The following SNRNP40 variants were observed in gnomAD, a reference collection of about 807,000 sequenced individuals.
The protein encoded by SNRNP40 is U5 small nuclear ribonucleoprotein 40 kDa protein.
In SNRNP40, 21 loss-of-function variants were observed where a neutral mutation model predicts 45.8. That is an observed-to-expected ratio of 0.46 (90% CI 0.32 to 0.66). SNRNP40 has a LOEUF of 0.66. Among genes scored for constraint, SNRNP40 ranks in the 30% least tolerant of loss-of-function variants. The pLI, the probability that SNRNP40 is intolerant of heterozygous loss-of-function variation, is 0.03. For missense variants in SNRNP40, 344 were observed against 439.1 expected (o/e 0.78, Z 1.94); for synonymous variants, 142 against 163.8 (o/e 0.87, Z 1.01).
intron 3 of SNRNP40, among the ~76,000 whole-genome samples, chr1:31,291,095 C>T (rs978051156): frequency 2.0e-5 from 3 of 150,624 alleles, no homozygotes; most frequent in African/African-American, 4.9e-5. Context: ...TCAAGACCAG[C>T]CTGACCAACA....
At chr1:31,294,535 T>G (rs1157228845) in intron 1 of SNRNP40, among the ~76,000 whole-genome samples, 5 of 151,622 alleles carry the variant, frequency 3.3e-5, no homozygotes, top group Non-Finnish European at 1.5e-5. Flanking sequence ...TCTCGTCTCA[T>G]CGCAAACTCC....
chr1:31,271,586 G>C (rs530783738), intron 5 of SNRNP40, 87 bp from the exon 6 acceptor site: 1 of 1,268,998 alleles, frequency 7.9e-7, no homozygotes, highest in African/African-American at 1.5e-5. Flanking sequence ...CAATTGCCCA[G>C]AGACACTGAT....
intron 8 of SNRNP40, chr1:31,263,779 G>A: frequency 7.9e-6 from 2 of 254,414 alleles, no homozygotes; most frequent in Admixed American, 5.5e-5. Flanking sequence ...GTGACCAGGA[G>A]CCCAGCAGGG....
intron 8 of SNRNP40, among the ~76,000 whole-genome samples, chr1:31,262,723 T>TA (rs1382550911): frequency 6.6e-6 from 1 of 151,474 alleles, no homozygotes; most frequent in African/African-American, 2.4e-5. Flanking sequence ...TATTTGTCAT[T>TA]AAAAAAAATT....
At chr1:31,296,248 T>A (rs1041570013) in intron 1 of SNRNP40, among the ~76,000 whole-genome samples, 1 of 152,204 alleles carries the variant, frequency 6.6e-6, no homozygotes, top group Non-Finnish European at 1.5e-5. Flanking sequence ...ATCATTTCCC[T>A]TTTTTCTTCC....
At chr1:31,283,795 AG>A (rs1646036508) in intron 4 of SNRNP40, among the ~76,000 whole-genome samples, 1 of 152,262 alleles carries the variant, frequency 6.6e-6, no homozygotes, top group Admixed American at 6.5e-5. Flanking sequence ...AGGAAAAAGT[AG>A]TCTTCTCAAC....
intron 8 of SNRNP40, 152 bp from the exon 9 acceptor site, chr1:31,261,784 G>C (rs1569629125): frequency 7.0e-6 from 4 of 571,258 alleles, no homozygotes; most frequent in Non-Finnish European, 1.3e-5. Flanking sequence ...GGAACACAGA[G>C]TTTGAATAAG....
intron 5 of SNRNP40, 67 bp downstream of exon 5, chr1:31,281,307 G>A (rs1646014963): frequency 5.0e-6 from 7 of 1,400,304 alleles, no homozygotes; most frequent in South Asian, 1.4e-5. Context: ...AATCTCAGAA[G>A]TTTGAAAAAA....
At chr1:31,265,138 T>C (rs1645887379) in intron 8 of SNRNP40, among the ~76,000 whole-genome samples, 1 of 152,068 alleles carries the variant, frequency 6.6e-6, no homozygotes, top group South Asian at 2.1e-4. Context: ...TTGTTTTTTT[T>C]TAAAGAGATG....
intron 2 of SNRNP40, 132 bp downstream of exon 2, chr1:31,293,087 T>G: frequency 1.1e-6 from 1 of 925,010 alleles, no homozygotes; most frequent in Non-Finnish European, 1.6e-6. Flanking sequence ...CATGCCCCAA[T>G]TTTAGCATAT....
intron 1 of SNRNP40, 124 bp from the exon 2 acceptor site, chr1:31,293,472 C>T: frequency 1.1e-6 from 1 of 946,940 alleles, no homozygotes; most frequent in Non-Finnish European, 1.5e-6. Flanking sequence ...ATCTGACTTA[C>T]AGAATGGTAG....
Position 31,296,617 on chromosome 1 carries a change from C to T in SNRNP40, c.135G>A (p.Leu45=), listed in dbSNP as rs1038336526. The change falls in exon 1 of 10, where the codon CTG becomes CTA. Residue 45 remains leucine (L), a synonymous_variant. Transcript: ENST00000263694. The part of the protein sequence containing the change: ...GQQQATPGAL[L]QAGPPRCSSL... ...CGCCTGCTTCTTCACTTACCGCTTG[C>T]AGCAAGGCTCCCGGCGTCGCCTGCT... is the stretch of plus-strand genomic sequence containing the variant. 1 of 1,610,658 alleles carries T rather than the reference C, an allele frequency of 6.2e-7. No homozygotes were observed. Among genetic ancestry groups the T allele is most frequent in the Non-Finnish European group, 8.5e-7 (1 of 1,178,512 alleles).
intron 4 of SNRNP40, among the ~76,000 whole-genome samples, chr1:31,288,520 T>C (rs1646078120): frequency 6.6e-6 from 1 of 152,198 alleles, no homozygotes. Flanking sequence ...CCAGATTCTT[T>C]GGGTATTTTT....
At chr1:31,288,709 A>C (rs546338901) in intron 4 of SNRNP40, among the ~76,000 whole-genome samples, 2 of 148,424 alleles carry the variant, frequency 1.3e-5, no homozygotes, top group Admixed American at 6.8e-5. Context: ...GGAGATACTC[A>C]TAACAGCCTT....
At chr1:31,292,852 G>C (rs1229646764) in intron 2 of SNRNP40, 1 of 199,950 alleles carries the variant, frequency 5.0e-6, no homozygotes, top group South Asian at 7.7e-5. Flanking sequence ...TGTGAATTAA[G>C]AGGACCTTAT....
At chr1:31,296,573 T>C in intron 1 of SNRNP40, 38 bp downstream of exon 1, 1 of 1,579,048 alleles carries the variant, frequency 6.3e-7, no homozygotes, top group Non-Finnish European at 8.6e-7. Context: ...GGGAGGAAGA[T>C]GAGCTGAGGG....
At chr1:31,290,292 C>A (rs1001817366) in intron 3 of SNRNP40, among the ~76,000 whole-genome samples, 19 of 152,162 alleles carry the variant, frequency 1.2e-4, no homozygotes, top group Non-Finnish European at 4.4e-5. Context: ...GCCTCAGCCT[C>A]CCAAATAGCT....
intron 2 of SNRNP40, among the ~76,000 whole-genome samples, chr1:31,292,678 A>G (rs963890904): frequency 6.6e-6 from 1 of 152,206 alleles, no homozygotes; most frequent in Non-Finnish European, 1.5e-5. Context: ...TGGAGTATAA[A>G]TAAAACGACT....
intron 4 of SNRNP40, among the ~76,000 whole-genome samples, chr1:31,286,914 A>G (rs1209967466): frequency 1.3e-5 from 2 of 152,244 alleles, no homozygotes; most frequent in Non-Finnish European, 2.9e-5. Flanking sequence ...TGAACTGCTC[A>G]TGAAAGGGAA....
Sources: allele counts gnomAD v4.1 joint callset (sites outside exome capture counted in the v4.1 genomes callset), GRCh38; gene constraint gnomAD v4.1.1; transcripts MANE v1.5; gene names NCBI Gene and HGNC (gene_info 2026-07-23, HGNC 2026-07-21).